Variants in TTC27 observed in about 807,000 individuals in gnomAD.
TTC27 encodes the protein tetratricopeptide repeat domain 27.
TTC27 carries 79 observed loss-of-function variants against 115.9 expected under a neutral mutation model. That is an observed-to-expected ratio of 0.68 (90% CI 0.57 to 0.82). The LOEUF is 0.82. Ranked by LOEUF, TTC27 falls within the 40% of genes least tolerant of loss-of-function variation. The pLI, the probability that TTC27 is intolerant of heterozygous loss-of-function variation, is 0.00. For synonymous variants in TTC27, 401 were observed against 356.0 expected (o/e 1.13, Z -1.42); for missense variants, 1,054 against 993.1 (o/e 1.06, Z -0.82).
At chr2:32,796,767 A>G (rs1670714927) in intron 16 of TTC27, among the ~76,000 whole-genome samples, 1 of 152,248 alleles carries the variant, frequency 6.6e-6, no homozygotes, top group African/African-American at 2.4e-5. Flanking sequence ...AAACTGTAGT[A>G]GTCAAAACAG....
chr2:32,629,315 T>C (rs2063540146), intron 1 of TTC27, among the ~76,000 whole-genome samples: 1 of 151,586 alleles, frequency 6.6e-6, no homozygotes, highest in African/African-American at 2.4e-5. Context: ...GAGACGGCTT[T>C]CATCATGTTG....
chr2:32,816,908 T>C (rs533704169), intron 18 of TTC27, among the ~76,000 whole-genome samples: 3 of 152,350 alleles, frequency 2.0e-5, no homozygotes, highest in Middle Eastern at 3.4e-3. Flanking sequence ...TGTTTTTGTC[T>C]GTGTGGGTAC....
intron 4 of TTC27, among the ~76,000 whole-genome samples, chr2:32,645,237 T>C (rs1022181152): frequency 1.3e-5 from 2 of 152,300 alleles, no homozygotes; most frequent in East Asian, 1.9e-4. Flanking sequence ...ATTGGTACTA[T>C]GTAAGTGGTT....
chr2:32,634,702 G>A (rs896011205), intron 3 of TTC27, among the ~76,000 whole-genome samples: 13 of 151,772 alleles, frequency 8.6e-5, no homozygotes, highest in Admixed American at 2.6e-4. Context: ...TGTCACCCAG[G>A]CTGGAGTACA....
chr2:32,714,287 T>C (rs910263285), intron 10 of TTC27, among the ~76,000 whole-genome samples: 2 of 151,488 alleles, frequency 1.3e-5, no homozygotes, highest in Non-Finnish European at 2.9e-5. Flanking sequence ...GTCTCCCGAG[T>C]ATCTGGCACT....
chr2:32,640,186 G>C, intron 3 of TTC27, 84 bp from the exon 4 acceptor site: 1 of 1,327,522 alleles, frequency 7.5e-7, no homozygotes, highest in South Asian at 1.4e-5. Context: ...TGAGTTGACT[G>C]GAAAATCTTT....
At chr2:32,679,529 G>T (rs7563448) in intron 9 of TTC27, among the ~76,000 whole-genome samples, 136,266 of 152,244 alleles carry the variant, frequency 0.9, 61,110 homozygotes, top group East Asian at 1. Context: ...GCTTTATGGA[G>T]AAAGGAAGAT....
At chr2:32,743,097 T>C (rs1668700029) in intron 12 of TTC27, among the ~76,000 whole-genome samples, 1 of 152,178 alleles carries the variant, frequency 6.6e-6, no homozygotes, top group Non-Finnish European at 1.5e-5. Flanking sequence ...GCTTATTTTT[T>C]TCCCCTTCAT....
At chr2:32,634,253 A>G (rs1246841720) in intron 3 of TTC27, among the ~76,000 whole-genome samples, 1 of 152,042 alleles carries the variant, frequency 6.6e-6, no homozygotes, top group Non-Finnish European at 1.5e-5. Context: ...AAGTACAGAC[A>G]GCTGCACCAG....
chr2:32,814,331 C>A (rs982913508), intron 18 of TTC27, among the ~76,000 whole-genome samples: 2 of 152,132 alleles, frequency 1.3e-5, no homozygotes, highest in African/African-American at 4.8e-5. Context: ...AAACAAGTGT[C>A]CATTCTTTTA....
At chr2:32,730,010 G>C (rs1434723430) in intron 10 of TTC27, among the ~76,000 whole-genome samples, 1 of 152,104 alleles carries the variant, frequency 6.6e-6, no homozygotes, top group Admixed American at 6.6e-5. Context: ...AGCTTGCGAG[G>C]TACTTCTATC....
chr2:32,735,869 A>G (rs988117057), intron 11 of TTC27, among the ~76,000 whole-genome samples: 4 of 151,884 alleles, frequency 2.6e-5, no homozygotes, highest in Non-Finnish European at 4.4e-5. Flanking sequence ...CATTCTCATT[A>G]TTTATTTTGA....
intron 10 of TTC27, among the ~76,000 whole-genome samples, chr2:32,707,487 T>A (rs372174991): frequency 3.3e-5 from 5 of 152,170 alleles, no homozygotes; most frequent in Non-Finnish European, 7.4e-5. Context: ...ATTCAAACTA[T>A]AGCACTGTTG....
rs902537235 is a variant in TTC27 at position 32,637,355 on chromosome 2, G to A, written c.397-2915G>A. On this transcript the variant is annotated intron_variant, in intron 3 of 19. Transcript: ENST00000317907. ...TTTTCTTTCTTTTTTTTTTTCAGACGGAGTCTCACTGTGTTGCCCAGGCTG... is the reference window on the plus strand; with the variant it reads ...TTTTCTTTCTTTTTTTTTTTCAGACAGAGTCTCACTGTGTTGCCCAGGCTG... Among the ~76,000 whole-genome samples, 14 of 150,948 alleles carry A rather than the reference G, an allele frequency of 9.3e-5. 1 individual carries two copies. The highest frequency in any genetic ancestry group is 4.0e-4 in the Admixed American group (6 of 15,132).
chr2:32,725,064 AAG>A (rs1016657251), intron 10 of TTC27, among the ~76,000 whole-genome samples: 9 of 152,188 alleles, frequency 5.9e-5, no homozygotes, highest in African/African-American at 9.7e-5. Context: ...CAGCACGGGA[AAG>A]AGTTGCCCCA....
Position 32,777,154 on chromosome 2 carries a change from G to A in TTC27, c.1681-728G>A, listed in dbSNP as rs1360407651. ...TCAGGCATGCCTAAAGCAGATATATGCTAGGGCAGTTTGGCTCTTGGTTAA... is the reference window on the plus strand; with the variant it reads ...TCAGGCATGCCTAAAGCAGATATATACTAGGGCAGTTTGGCTCTTGGTTAA... On this transcript the variant is annotated intron_variant, in intron 13 of 19. Transcript: ENST00000317907. Among the ~76,000 whole-genome samples, 4 of 152,228 alleles carry A rather than the reference G, an allele frequency of 2.6e-5. 1 individual carries two copies. The highest frequency in any genetic ancestry group is 5.9e-5 in the Non-Finnish European group (4 of 68,040).
rs1365713161 is a variant in TTC27 at position 32,657,176 on chromosome 2, G to A, written c.640+6943G>A. 2.6e-5 allele frequency among the ~76,000 whole-genome samples: 4 copies of A among 151,638 alleles called. 1 individual carries two copies. In the South Asian group the frequency reaches 6.3e-4, roughly 24 times the overall value. Reference sequence around the variant, plus strand: ...AATTTTTTGTATTTTCAGTAGAGACGGGGTTTCACTGTGTTAGCCAGGATG... The same window carrying A: ...AATTTTTTGTATTTTCAGTAGAGACAGGGTTTCACTGTGTTAGCCAGGATG... On this transcript the variant is annotated intron_variant, in intron 5 of 19. Transcript: ENST00000317907.
chr2:32,810,965 T>G, intron 16 of TTC27, 59 bp from the exon 17 acceptor site: 1 of 1,557,184 alleles, frequency 6.4e-7, no homozygotes, highest in East Asian at 2.2e-5. Flanking sequence ...AGATAGCTCT[T>G]TGTTTTTGTT....
chr2:32,665,532 C>G (rs1665738276), intron 6 of TTC27, among the ~76,000 whole-genome samples: 1 of 152,134 alleles, frequency 6.6e-6, no homozygotes, highest in Non-Finnish European at 1.5e-5. Flanking sequence ...CTTAGAAATA[C>G]AAATGTGATG....
Sources: gnomAD v4.1 joint callset for allele counts (sites outside exome capture counted in the v4.1 genomes callset) on GRCh38, gnomAD v4.1.1 for gene constraint, MANE v1.5 for transcripts, NCBI Gene and HGNC (gene_info 2026-07-23, HGNC 2026-07-21) for gene names.